SLC6A17: variants seen among roughly 807,000 people sequenced by gnomAD.
SLC6A17 encodes the protein sodium-dependent neutral amino acid transporter SLC6A17.
In SLC6A17, 21 loss-of-function variants were observed where a neutral mutation model predicts 64.5. That is an observed-to-expected ratio of 0.33 (90% CI 0.23 to 0.47). The LOEUF is 0.47. Among genes scored for constraint, SLC6A17 ranks in the 20% least tolerant of loss-of-function variants. SLC6A17 has a pLI of 1.00. For synonymous variants in SLC6A17, 372 were observed against 399.5 expected (o/e 0.93, Z 0.82); for missense variants, 682 against 963.2 (o/e 0.71, Z 3.86).
Position 110,191,995 on chromosome 1 carries a change from G to A in SLC6A17, c.888G>A (p.Gln296=). Reference sequence around the variant, plus strand: ...AGCTGGACAAGATGCTGGACCCCCAGGTGTGGCGGGAGGCAGCTACCCAGG... The same window carrying A: ...AGCTGGACAAGATGCTGGACCCCCAAGTGTGGCGGGAGGCAGCTACCCAGG... ...TPKLDKMLDP[Q]VWREAATQVF... The change falls in exon 7 of 12, where the codon CAG becomes CAA. Residue 296 remains glutamine, a synonymous_variant. Transcript: ENST00000331565. 1 of 1,613,630 alleles carries A rather than the reference G, an allele frequency of 6.2e-7. No individual in the cohort carries two copies. The highest frequency in any genetic ancestry group is 1.1e-5 in the South Asian group (1 of 91,070).
intron 9 of SLC6A17, among the ~76,000 whole-genome samples, chr1:110,195,315 C>T (rs1003058705): frequency 9.9e-5 from 15 of 152,236 alleles, no homozygotes; most frequent in African/African-American, 3.1e-4. Context: ...AATTAAGTAG[C>T]GCACCTGCCA....
At chr1:110,165,105 C>T (rs1363809220) in intron 1 of SLC6A17, among the ~76,000 whole-genome samples, 1 of 152,196 alleles carries the variant, frequency 6.6e-6, no homozygotes, top group African/African-American at 2.4e-5. Context: ...GATGCCTTGA[C>T]AGGCAGCCGT....
rs1187126066 is a variant in SLC6A17, at chr1:110,192,588, C to T, written c.1189C>T (p.Leu397=). 1 of 1,614,220 alleles carries T rather than the reference C, an allele frequency of 6.2e-7. No individual in the cohort carries two copies. The highest frequency in any genetic ancestry group is 2.2e-5 in the East Asian group (1 of 44,886). ...LIPPHVNFSH[L]TTKDYMEMYN... is the part of the protein sequence containing the mutation. ...CCCACCCCACGTCAACTTCTCCCAC[C>T]TGACCACAAAGGACTACATGGAGAT... is the stretch of plus-strand genomic sequence containing the variant. The change falls in exon 8 of 12, where the codon CTG becomes TTG. Residue 397 remains leucine, a synonymous_variant. Coordinates refer to ENST00000331565, the MANE Select transcript of SLC6A17 (RefSeq NM_001010898.4). The surrounding 1 kb of genome is among the most constrained non-coding windows in gnomAD (Gnocchi z 4.3).
chr1:110,197,692 G>C, intron 11 of SLC6A17, 93 bp downstream of exon 11: 1 of 1,394,770 alleles, frequency 7.2e-7, no homozygotes, highest in Non-Finnish European at 9.5e-7. Flanking sequence ...TAGGGCAGCT[G>C]CTATGTGCCA....
intron 10 of SLC6A17, among the ~76,000 whole-genome samples, chr1:110,196,479 G>C (rs1656971912): frequency 2.0e-5 from 3 of 152,170 alleles, no homozygotes; most frequent in Admixed American, 2.0e-4. Flanking sequence ...AGGGGACAGG[G>C]AGTGGGGGGA....
intron 10 of SLC6A17, among the ~76,000 whole-genome samples, chr1:110,197,033 C>T (rs1019769184): frequency 3.3e-5 from 5 of 152,202 alleles, no homozygotes; most frequent in African/African-American, 1.2e-4. Context: ...ACCCCTGAGT[C>T]AGGGCAGCTC....
intron 6 of SLC6A17, among the ~76,000 whole-genome samples, chr1:110,180,335 AAAAC>A (rs1416858279): frequency 6.6e-6 from 1 of 152,208 alleles, no homozygotes; most frequent in East Asian, 1.9e-4. Context: ...GGAATGGCTA[AAAAC>A]AAACCCACAT....
intron 6 of SLC6A17, among the ~76,000 whole-genome samples, chr1:110,181,110 G>A (rs1432602265): frequency 6.6e-6 from 1 of 152,088 alleles, no homozygotes; most frequent in Non-Finnish European, 1.5e-5. Flanking sequence ...TGAATTCCTC[G>A]GGCAGCTTTT....
At chr1:110,195,444 C>A in intron 9 of SLC6A17, 142 bp from the exon 10 acceptor site, 1 of 999,222 alleles carries the variant, frequency 1.0e-6, no homozygotes, top group Non-Finnish European at 1.5e-6. Context: ...ATCCCTCGTG[C>A]AGGACTGAGC....
chr1:110,171,910 C>A, intron 2 of SLC6A17, 150 bp from the exon 3 acceptor site: 2 of 1,049,306 alleles, frequency 1.9e-6, no homozygotes, highest in Admixed American at 2.4e-5. Flanking sequence ...ACACGTATGG[C>A]CACATCATTC....
At chr1:110,183,184 C>T (rs1656578456) in intron 6 of SLC6A17, among the ~76,000 whole-genome samples, 1 of 152,190 alleles carries the variant, frequency 6.6e-6, no homozygotes, top group South Asian at 2.1e-4. Flanking sequence ...TTCATAGCAG[C>T]ATTGTGTATT....
intron 1 of SLC6A17, among the ~76,000 whole-genome samples, chr1:110,157,041 T>C (rs1448106210): frequency 6.6e-6 from 1 of 152,254 alleles, no homozygotes; most frequent in African/African-American, 2.4e-5. Context: ...TCACTAGTTA[T>C]TCCTGGACTT....
chr1:110,182,380 T>C (rs1243411219), intron 6 of SLC6A17, among the ~76,000 whole-genome samples: 4 of 151,940 alleles, frequency 2.6e-5, no homozygotes, highest in Non-Finnish European at 5.9e-5. Flanking sequence ...AAATATCTAA[T>C]AGATCTCCAC....
At chr1:110,157,588 TAAAAA>T (rs1655792225) in intron 1 of SLC6A17, among the ~76,000 whole-genome samples, 1 of 151,582 alleles carries the variant, frequency 6.6e-6, no homozygotes, top group South Asian at 2.1e-4. Flanking sequence ...AATAAATAAA[TAAAAA>T]TAAAATAAAA....
At chr1:110,185,737 G>A (rs976891935) in intron 6 of SLC6A17, among the ~76,000 whole-genome samples, 3 of 152,198 alleles carry the variant, frequency 2.0e-5, no homozygotes, top group African/African-American at 7.2e-5. Flanking sequence ...ATCCTCTGTT[G>A]TTGCTTGTTA....
intron 1 of SLC6A17, among the ~76,000 whole-genome samples, chr1:110,154,317 A>G (rs1159181372): frequency 6.6e-6 from 1 of 152,236 alleles, no homozygotes; most frequent in Admixed American, 6.5e-5. Context: ...GAACTCTATC[A>G]GTCCAAACTT....
rs757668887 is a variant in SLC6A17 at position 110,192,210 on chromosome 1, T to C, written c.1103T>C (p.Val368Ala). Residue 368 changes from valine to alanine, a missense_variant, in exon 7 of 12, where the codon GTC (valine) becomes GCC (alanine). Around this residue, in one of 3 missense-constraint regions of SLC6A17, gnomAD observed 415 missense variants for 603.8 expected, o/e 0.69. Transcript: ENST00000331565. The surrounding 1 kb of genome is among the most constrained non-coding windows in gnomAD (Gnocchi z 4.3). ...KANIMNEKCV[V>A]ENAEKILGYL... ...AACATCATGAATGAGAAGTGTGTGGTCGAGTAGGTGGCATCTCTCCTCCTG... is the reference window on the plus strand; with the variant it reads ...AACATCATGAATGAGAAGTGTGTGGCCGAGTAGGTGGCATCTCTCCTCCTG... 2 of 1,607,806 alleles carry C rather than the reference T, an allele frequency of 1.2e-6. No homozygotes were observed. Among genetic ancestry groups the C allele is most frequent in the South Asian group, 2.2e-5 (2 of 90,680 alleles).
At chr1:110,151,285 G>T (rs924294358) in intron 1 of SLC6A17, among the ~76,000 whole-genome samples, 18 of 152,356 alleles carry the variant, frequency 1.2e-4, no homozygotes, top group African/African-American at 4.3e-4. Flanking sequence ...GTTCCACTGG[G>T]AGCCTCTTAC....
Position 110,174,940 on chromosome 1 carries a change from G to A in SLC6A17, c.733G>A (p.Gly245Ser). ...CATCGTGGGGATGGCTGTCGTTAAG[G>A]GCATCCAGTCCTCGGGGAAGGTGAG... is the stretch of plus-strand genomic sequence containing the variant. ...WSIVGMAVVK[G>S]IQSSGKVMYF... is the part of the protein sequence containing the mutation. Residue 245 changes from glycine to serine, a missense_variant, in exon 5 of 12, where the codon GGC becomes AGC. Physicochemically the swap from Gly to Ser is moderately conservative, Grantham distance 56. Around this residue, in one of 3 missense-constraint regions of SLC6A17, gnomAD observed 415 missense variants for 603.8 expected, o/e 0.69. Transcript: ENST00000331565. 2 of 1,613,996 alleles carry A rather than the reference G, an allele frequency of 1.2e-6. No homozygotes were observed. The highest frequency in any genetic ancestry group is 1.1e-5 in the South Asian group (1 of 91,064).
Sources: gnomAD v4.1 joint callset for allele counts (sites outside exome capture counted in the v4.1 genomes callset) on GRCh38, gnomAD v4.1.1 for gene constraint, gnomAD v4.1.1 regional missense constraint, Gnocchi (gnomAD v3.1) non-coding constraint, MANE v1.5 for transcripts, NCBI Gene and HGNC (gene_info 2026-07-23, HGNC 2026-07-21) for gene names.